CIT: variants seen among roughly 807,000 people sequenced by gnomAD.
The protein encoded by CIT is citron Rho-interacting kinase.
In CIT, 79 loss-of-function variants were observed where a neutral mutation model predicts 272.7. The observed-to-expected ratio is 0.29, with a 90% CI of 0.24 to 0.35. The LOEUF is 0.35. CIT is among the 10% of genes least tolerant of loss of function. The pLI, the probability that CIT is intolerant of heterozygous loss-of-function variation, is 1.00. For missense variants in CIT, 1,909 were observed against 2,618.3 expected, an observed-to-expected ratio of 0.73 and a Z score of 5.91; for synonymous variants, 948 against 995.6, an observed-to-expected ratio of 0.95 and a Z score of 0.90.
intron 15 of CIT, 28 bp downstream of exon 15, chr12:119,776,330 A>G (rs764447599): frequency 1.7e-5 from 27 of 1,595,566 alleles, no homozygotes; most frequent in Non-Finnish European, 2.2e-5. Flanking sequence ...CAAAATATTA[A>G]TAGCAAAACC....
chr12:119,713,739 CCCAGCCGGGCCCAGAG>C lies in CIT; in HGVS notation c.4307-107_4307-92del, dbSNP rs1565926850. ...CCAGCCAACGCCTGGGCTTCTCTACCCCAGCCGGGCCCAGAGAGTCTGGCCCTGGCTTGCAGGTAGT... is the reference window on the plus strand; with the variant it reads ...CCAGCCAACGCCTGGGCTTCTCTACCAGTCTGGCCCTGGCTTGCAGGTAGT... On this transcript the variant is annotated intron_variant, in intron 33 of 47. Coordinates refer to ENST00000392521, the MANE Select transcript of CIT (RefSeq NM_001206999.2). This position sits in a 1 kb window ranked among gnomAD's most constrained non-coding sequence, Gnocchi z 5.2. 7.5e-7 allele frequency: 1 copy of C among 1,336,786 alleles called. No individual in the cohort carries two copies. The allele number at this position is 1,336,786 out of a possible 1,614,324, so 82.8% of individuals were successfully genotyped here. A position where few individuals can be genotyped will look rare whatever the true frequency, so the allele number is the denominator to read the frequency against.
chr12:119,804,276 C>T lies in CIT; in HGVS notation c.1112-887G>A, dbSNP rs542421421. The T allele has an allele frequency of 2.0e-5, 20 of 985,536 alleles. No homozygotes were observed. In the African/African-American group the frequency reaches 3.1e-4, roughly 15 times the overall value. The allele number at this position is 985,536 out of a possible 1,614,324, so 61.0% of individuals were successfully genotyped here. On this transcript the variant is annotated intron_variant, in intron 9 of 47. Transcript: ENST00000392521. This position sits in a 1 kb window ranked among gnomAD's most constrained non-coding sequence, Gnocchi z 5.3. The stretch of plus-strand genomic sequence containing the variant: ...CACTCGTCCATCAGTCACCAGGAGG[C>T]TGCCCATCGCGGTGGGCTCCCGGGG...
In CIT at chr12:119,765,617, C is replaced by T. The variant is rs553955710; in HGVS notation, c.2304+1470G>A. On this transcript the variant is annotated intron_variant, in intron 19 of 47. Coordinates refer to ENST00000392521, the MANE Select transcript of CIT (RefSeq NM_001206999.2). ...TCCTGAGTAGCTGAGACAACAGGTG[C>T]GTGCCACCACACCCAGCTAATTTTT... Among the ~76,000 whole-genome samples, 12 of 151,190 alleles carry T rather than the reference C, an allele frequency of 7.9e-5. 1 individual carries two copies. The highest frequency in any genetic ancestry group is 1.5e-4 in the African/African-American group (6 of 41,210).
At chr12:119,782,791 T>C (rs1964420555) in intron 12 of CIT, 154 bp from the exon 13 acceptor site, 2 of 818,840 alleles carry the variant, frequency 2.4e-6, no homozygotes, top group East Asian at 5.5e-5. Flanking sequence ...CCGACTCCGG[T>C]TTCCATCCTG....
intron 23 of CIT, among the ~76,000 whole-genome samples, chr12:119,749,126 C>T (rs45670): frequency 0.32 from 48,544 of 151,986 alleles, 8,320 homozygotes; most frequent in African/African-American, 0.42. Context: ...ACCCTTCAGT[C>T]GAGAGCTTTA....
intron 4 of CIT, among the ~76,000 whole-genome samples, chr12:119,855,156 C>T (rs1223388726): frequency 6.6e-6 from 1 of 152,050 alleles, no homozygotes; most frequent in Non-Finnish European, 1.5e-5. Context: ...GGCACAGTGG[C>T]TCACACCTGT....
intron 28 of CIT, among the ~76,000 whole-genome samples, chr12:119,723,077 T>TA (rs34015890): frequency 2.0e-5 from 3 of 151,070 alleles, no homozygotes; most frequent in East Asian, 3.9e-4. Flanking sequence ...AACGAAAATT[T>TA]AAAAAAAAAA....
intron 1 of CIT, among the ~76,000 whole-genome samples, chr12:119,876,615 G>A (rs967593335): frequency 6.6e-6 from 1 of 152,160 alleles, no homozygotes. Flanking sequence ...GGGGTGAGAT[G>A]GTGCAATTTT....
chr12:119,858,194 T>A (rs1298734587), intron 3 of CIT, among the ~76,000 whole-genome samples: 1 of 152,128 alleles, frequency 6.6e-6, no homozygotes, highest in Non-Finnish European at 1.5e-5. Flanking sequence ...CATAAAGCCT[T>A]CGTAGATCTA....
rs1195728287 is a variant in CIT at position 119,804,379 on chromosome 12, G to A, written c.1112-990C>T. Reference sequence around the variant, plus strand: ...GGCCAGCCAGGCGAGTTAGAGCCGAGCATCACATCCCCCGCAGTGCAGGCT... The same window carrying A: ...GGCCAGCCAGGCGAGTTAGAGCCGAACATCACATCCCCCGCAGTGCAGGCT... On this transcript the variant is annotated intron_variant, in intron 9 of 47. Coordinates refer to ENST00000392521, the MANE Select transcript of CIT (RefSeq NM_001206999.2). The surrounding 1 kb of genome is among the most constrained non-coding windows in gnomAD (Gnocchi z 5.3). The A allele has an allele frequency of 1.3e-5, 13 of 985,444 alleles. No individual in the cohort carries two copies. The highest frequency in any genetic ancestry group is 1.2e-5 in the Non-Finnish European group (10 of 830,026). 61.0% of individuals were successfully genotyped at this position (985,444 alleles called of 1,614,324 possible). A position where few individuals can be genotyped will look rare whatever the true frequency, so the allele number is the denominator to read the frequency against.
chr12:119,796,639 G>A (rs547378325), intron 10 of CIT, among the ~76,000 whole-genome samples: 3 of 152,280 alleles, frequency 2.0e-5, no homozygotes, highest in African/African-American at 7.2e-5. Flanking sequence ...CTGGTGATGA[G>A]GAACACAGTG....
Position 119,697,624 on chromosome 12 carries a change from G to A in CIT, c.5882+35C>T, listed in dbSNP as rs1467175095. 1.3e-6 allele frequency: 2 copies of A among 1,595,322 alleles called. No homozygotes were observed. Among genetic ancestry groups the A allele is most frequent in the East Asian group, 2.2e-5 (1 of 44,748 alleles). The stretch of plus-strand genomic sequence containing the variant: ...CTTCTGCCTTGCAGAAAAGCACGTT[G>A]CCCCTGGTACTGAGGAAGAGGAGAA... On this transcript the variant is annotated intron_variant, in intron 46 of 47. Transcript: ENST00000392521. This position sits in a 1 kb window ranked among gnomAD's most constrained non-coding sequence, Gnocchi z 4.9.
chr12:119,772,694 G>A, intron 17 of CIT, 76 bp downstream of exon 17: 1 of 1,436,496 alleles, frequency 7.0e-7, no homozygotes, highest in Non-Finnish European at 9.2e-7. Flanking sequence ...AGCAAGTGAT[G>A]GTCTGGCAGT....
chr12:119,791,327 G>A (rs1419963516), intron 10 of CIT, among the ~76,000 whole-genome samples: 1 of 152,148 alleles, frequency 6.6e-6, no homozygotes, highest in African/African-American at 2.4e-5. Context: ...GTGCTAAGAA[G>A]CTGACTCCAA....
intron 9 of CIT, among the ~76,000 whole-genome samples, chr12:119,818,306 G>GA (rs1251367892): frequency 2.7e-5 from 4 of 150,564 alleles, no homozygotes; most frequent in South Asian, 2.1e-4. Context: ...TAAAGGACTA[G>GA]AAAAAAAAAG....
intron 28 of CIT, among the ~76,000 whole-genome samples, chr12:119,726,812 G>A (rs950048306): frequency 1.3e-5 from 2 of 152,206 alleles, no homozygotes; most frequent in Non-Finnish European, 2.9e-5. Context: ...TGGGGAGTGG[G>A]AGGTAGTCAT....
At chr12:119,793,288 A>G (rs374445007) in intron 10 of CIT, among the ~76,000 whole-genome samples, 70 of 152,034 alleles carry the variant, frequency 4.6e-4, no homozygotes, top group African/African-American at 1.6e-3. Context: ...TTAATAAAAG[A>G]ATAGCTAGTC....
chr12:119,778,650 C>A (rs7299548), intron 13 of CIT, among the ~76,000 whole-genome samples: 70,236 of 151,894 alleles, frequency 0.46, 16,809 homozygotes, highest in Admixed American at 0.57. Context: ...ACGCCCCCCC[C>A]CCAGAGCATA....
intron 20 of CIT, among the ~76,000 whole-genome samples, chr12:119,760,047 C>A (rs1042074604): frequency 6.6e-6 from 1 of 150,850 alleles, no homozygotes; most frequent in African/African-American, 2.4e-5. Context: ...ATTAGCCGGG[C>A]ACGGTGGCAC....
Sources: gnomAD v4.1 joint callset for allele counts (sites outside exome capture counted in the v4.1 genomes callset) on GRCh38, gnomAD v4.1.1 for gene constraint, Gnocchi (gnomAD v3.1) non-coding constraint, MANE v1.5 for transcripts, NCBI Gene and HGNC (gene_info 2026-07-23, HGNC 2026-07-21) for gene names.